The following RBFOX1 variants were observed in gnomAD, a reference collection of about 807,000 sequenced individuals.
RBFOX1 encodes the protein RNA binding protein fox-1 homolog 1.
RBFOX1 carries 8 observed loss-of-function variants against 57.7 expected under a neutral mutation model. That is an observed-to-expected ratio of 0.14 (90% CI 0.08 to 0.25). The LOEUF is 0.25. Among genes scored for constraint, RBFOX1 ranks in the 10% least tolerant of loss-of-function variants. The pLI, the probability that RBFOX1 is intolerant of heterozygous loss-of-function variation, is 1.00. For synonymous variants in RBFOX1, 326 were observed against 222.4 expected (o/e 1.47, Z -4.15); for missense variants, 611 against 548.5 (o/e 1.11, Z -1.14).
intron 4 of RBFOX1, among the ~76,000 whole-genome samples, chr16:7,430,192 T>A (rs951460338): frequency 6.6e-6 from 1 of 152,228 alleles, no homozygotes; most frequent in Non-Finnish European, 1.5e-5. Context: ...ATAAATAATG[T>A]TCCATTGGCC....
intron 3 of RBFOX1, among the ~76,000 whole-genome samples, chr16:6,907,156 T>C (rs7200494): frequency 0.3 from 45,312 of 152,174 alleles, 7,904 homozygotes; most frequent in African/African-American, 0.49. Flanking sequence ...TTCTGTGTTT[T>C]ACAACTTGGC....
At chr16:6,208,124 A>G (rs1480947187) in intron 1 of RBFOX1, among the ~76,000 whole-genome samples, 2 of 152,068 alleles carry the variant, frequency 1.3e-5, no homozygotes, top group Non-Finnish European at 2.9e-5. Flanking sequence ...ATGATAGTAT[A>G]TAATGAAGTG....
At chr16:6,986,556 T>C (rs1210262312) in intron 3 of RBFOX1, among the ~76,000 whole-genome samples, 1 of 152,156 alleles carries the variant, frequency 6.6e-6, no homozygotes, top group Non-Finnish European at 1.5e-5. Context: ...CTTCCCAAAG[T>C]GCTGGGATTG....
At chr16:5,951,981 T>A (rs186180385) in intron 4 of RBFOX1, among the ~76,000 whole-genome samples, 89 of 151,284 alleles carry the variant, frequency 5.9e-4, no homozygotes, top group African/African-American at 2.0e-3. Context: ...TTTGGGGGCC[T>A]CGCATATATA....
rs1567489932 is a variant in RBFOX1, at chr16:5,424,920, T to TTTC, written c.220-42293_220-42291dup. The stretch of plus-strand genomic sequence containing the variant: ...CTTTCTTTCTTTCTTTCTTTCTTTC[T>TTTC]TTCTTTCTTTCTTTCTCTCTCTTCT... On this transcript the variant is annotated intron_variant, in intron 1 of 2. Transcript: ENST00000585867. Among the ~76,000 whole-genome samples the TTTC allele has an allele frequency of 2.7e-5, 3 of 113,168 alleles. 1 individual carries two copies. Among genetic ancestry groups the TTTC allele is most frequent in the East Asian group, 2.5e-4 (1 of 4,038 alleles). The allele number at this position is 113,168 out of a possible 152,430, so 74.2% of individuals were successfully genotyped here.
At chr16:5,880,708 C>A (rs1031510525) in intron 4 of RBFOX1, among the ~76,000 whole-genome samples, 1 of 152,144 alleles carries the variant, frequency 6.6e-6, no homozygotes. Context: ...TTAACCTCTT[C>A]TGTTTCATGA....
intron 4 of RBFOX1, among the ~76,000 whole-genome samples, chr16:7,460,106 G>T (rs1055418936): frequency 9.9e-5 from 15 of 151,926 alleles, no homozygotes; most frequent in African/African-American, 3.6e-4. Context: ...ATATCATTAA[G>T]GTTTCAGGTT....
At chr16:7,150,357 C>T (rs899306) in intron 4 of RBFOX1, among the ~76,000 whole-genome samples, 134,838 of 152,214 alleles carry the variant, frequency 0.89, 59,818 homozygotes, top group East Asian at 1. Context: ...GCCCACCCTA[C>T]GTTAATGCCC....
chr16:6,625,184 A>AG, intron 2 of RBFOX1, among the ~76,000 whole-genome samples: 1 of 144,524 alleles, frequency 6.9e-6, no homozygotes, highest in Non-Finnish European at 1.5e-5. Flanking sequence ...AAAAAAAAAA[A>AG]AGGTATTCTG....
intron 2 of RBFOX1, among the ~76,000 whole-genome samples, chr16:6,445,184 G>T (rs1251012656): frequency 6.6e-6 from 1 of 152,060 alleles, no homozygotes; most frequent in Non-Finnish European, 1.5e-5. Context: ...GAATAAGAGA[G>T]AACAGACTGC....
chr16:5,357,595 G>T (rs967326845), intron 1 of RBFOX1, among the ~76,000 whole-genome samples: 3 of 152,208 alleles, frequency 2.0e-5, no homozygotes, highest in African/African-American at 7.2e-5. Flanking sequence ...GGTCCAGGTA[G>T]GTTATGTGAT....
At chr16:6,353,775 G>A (rs917967712) in intron 2 of RBFOX1, among the ~76,000 whole-genome samples, 1 of 152,230 alleles carries the variant, frequency 6.6e-6, no homozygotes, top group Admixed American at 6.5e-5. Context: ...TTTAATCCAC[G>A]TTGAGGAAGA....
At chr16:5,892,959 A>T (rs184359137) in intron 4 of RBFOX1, among the ~76,000 whole-genome samples, 1 of 152,318 alleles carries the variant, frequency 6.6e-6, no homozygotes, top group African/African-American at 2.4e-5. Context: ...CCAATGTTCA[A>T]CGAAGTCTTC....
intron 1 of RBFOX1, among the ~76,000 whole-genome samples, chr16:5,416,253 A>G (rs1240479732): frequency 4.6e-5 from 7 of 152,236 alleles, no homozygotes; most frequent in East Asian, 1.9e-4. Context: ...TCATTTGTCT[A>G]CGGTCACACA....
chr16:5,903,111 T>G (rs2058348512), intron 4 of RBFOX1, among the ~76,000 whole-genome samples: 1 of 152,034 alleles, frequency 6.6e-6, no homozygotes, highest in Non-Finnish European at 1.5e-5. Context: ...TGTGTGTGTG[T>G]GGGTGTGGGT....
intron 4 of RBFOX1, among the ~76,000 whole-genome samples, chr16:7,436,571 G>C (rs1388282296): frequency 6.6e-6 from 1 of 152,174 alleles, no homozygotes; most frequent in Non-Finnish European, 1.5e-5. Context: ...TTTTAAAGAT[G>C]CATAAACTGA....
At chr16:5,618,588 C>T (rs1204458156) in intron 3 of RBFOX1, among the ~76,000 whole-genome samples, 4 of 152,214 alleles carry the variant, frequency 2.6e-5, no homozygotes, top group East Asian at 1.9e-4. Flanking sequence ...CTGCCTGCCT[C>T]GGCCTCCCAA....
At chr16:5,554,212 C>G (rs1441103163) in intron 2 of RBFOX1, among the ~76,000 whole-genome samples, 1 of 152,092 alleles carries the variant, frequency 6.6e-6, no homozygotes, top group Non-Finnish European at 1.5e-5. Flanking sequence ...CTCAAGTGAT[C>G]TGCCCACGTT....
At chr16:5,240,180 G>A in intron 1 of RBFOX1, 1 of 1,037,380 alleles carries the variant, frequency 9.6e-7, no homozygotes, top group Non-Finnish European at 1.4e-6. Flanking sequence ...AGGGGCTGCG[G>A]GAGGCTCCGT....
Sources: gnomAD v4.1 joint callset for allele counts (sites outside exome capture counted in the v4.1 genomes callset) on GRCh38, gnomAD v4.1.1 for gene constraint, MANE v1.5 for transcripts, NCBI Gene and HGNC (gene_info 2026-07-23, HGNC 2026-07-21) for gene names.